TRIP4: variants seen among roughly 807,000 people sequenced by gnomAD.
The protein encoded by TRIP4 is activating signal cointegrator 1.
In TRIP4, 54 loss-of-function variants were observed where a neutral mutation model predicts 81.8. That is an observed-to-expected ratio of 0.66 (90% confidence interval 0.53 to 0.83). TRIP4 has a LOEUF of 0.83. Among genes scored for constraint, TRIP4 ranks in the 40% least tolerant of loss-of-function variants. The probability of loss-of-function intolerance (pLI) is 0.00; values close to 1 mark genes in which losing one functional copy is unlikely to be tolerated. For synonymous variants in TRIP4, 270 were observed against 242.8 expected (o/e 1.11, Z -1.04); for missense variants, 662 against 683.6 (o/e 0.97, Z 0.35).
intron 11 of TRIP4, among the ~76,000 whole-genome samples, chr15:64,436,708 CTT>C (rs35087782): frequency 0.013 from 1,089 of 85,448 alleles, 12 homozygotes; most frequent in African/African-American, 0.036. Flanking sequence ...TCTATTACTG[CTT>C]TTTTTTTTTT....
intron 9 of TRIP4, among the ~76,000 whole-genome samples, chr15:64,421,480 C>T (rs1038302637): frequency 3.3e-5 from 5 of 151,206 alleles, no homozygotes; most frequent in Non-Finnish European, 7.4e-5. Flanking sequence ...GGATTACAGA[C>T]ATGCACCACC....
At chr15:64,434,954 G>A (rs758550258) in intron 11 of TRIP4, among the ~76,000 whole-genome samples, 3 of 151,878 alleles carry the variant, frequency 2.0e-5, no homozygotes, top group African/African-American at 4.8e-5. Flanking sequence ...GGTGGCTCAC[G>A]CCTGTAATCC....
chr15:64,396,293 T>G (rs1596335981), intron 3 of TRIP4, among the ~76,000 whole-genome samples: 1 of 57,740 alleles, frequency 1.7e-5, no homozygotes, highest in Admixed American at 2.3e-4. Flanking sequence ...TTTTTTTTTT[T>G]TGAGACGGAG....
chr15:64,387,927 A>G lies in TRIP4; in HGVS notation c.64A>G (p.Lys22Glu), dbSNP rs528003059. 1.7e-5 allele frequency: 27 copies of G among 1,551,226 alleles called. No individual in the cohort carries two copies. The highest frequency in any genetic ancestry group is 6.0e-5 in the South Asian group (5 of 84,012). Residue 22 changes from lysine to glutamate, a missense_variant, in exon 1 of 13, where the codon AAG becomes GAG. Transcript: ENST00000261884. ...LVHWCTQQLRKTFGLDVSEEI... is the reference protein window; with the variant it reads ...LVHWCTQQLRETFGLDVSEEI... ...GCACTGGTGCACCCAGCAGTTGCGG[A>G]AGACTTTCGGCCTGGATGTCAGCGA...
intron 3 of TRIP4, 74 bp from the exon 4 acceptor site, chr15:64,397,532 C>A: frequency 1.4e-6 from 2 of 1,449,502 alleles, no homozygotes; most frequent in Non-Finnish European, 9.5e-7. Context: ...CTGAACAGAA[C>A]GGAGCATTTT....
At chr15:64,421,953 G>C (rs1039582824) in intron 9 of TRIP4, among the ~76,000 whole-genome samples, 1 of 151,452 alleles carries the variant, frequency 6.6e-6, no homozygotes, top group Non-Finnish European at 1.5e-5. Flanking sequence ...GCTGAGGCAG[G>C]ATAATTGCTT....
In TRIP4 at chr15:64,400,752, C is replaced by G; in HGVS notation, c.628C>G (p.His210Asp). Residue 210 changes from histidine (H) to aspartate (D), a missense_variant, in exon 5 of 13, where the codon CAT becomes GAT. Physicochemically the swap from His to Asp is moderately conservative, Grantham distance 81 (BLOSUM62 -1). Transcript: ENST00000261884. ...CLFCGTLVCT[H>D]EEQDILQRDS... ...TCTTACTATTTTACAGGTGTGTACT[C>G]ATGAGGAACAAGATATTTTACAGCG... 4 of 1,613,816 alleles carry G rather than the reference C, an allele frequency of 2.5e-6. No homozygotes were observed. Among genetic ancestry groups the G allele is most frequent in the Non-Finnish European group, 3.4e-6 (4 of 1,179,790 alleles).
intron 12 of TRIP4, among the ~76,000 whole-genome samples, chr15:64,451,985 G>C (rs1892776334): frequency 6.9e-6 from 1 of 144,548 alleles, no homozygotes; most frequent in South Asian, 2.2e-4. Context: ...TTTTAGACAG[G>C]TCTCACTCTG....
intron 11 of TRIP4, among the ~76,000 whole-genome samples, chr15:64,439,071 ATT>A (rs1442554338): frequency 6.6e-6 from 1 of 152,206 alleles, no homozygotes; most frequent in Non-Finnish European, 1.5e-5. Context: ...TATGATCTTT[ATT>A]CAACCCTAGT....
chr15:64,451,953 CA>C (rs35984161), intron 12 of TRIP4, among the ~76,000 whole-genome samples: 130,029 of 137,530 alleles, frequency 0.95, 61,614 homozygotes, highest in East Asian at 0.99. Context: ...GTGCCCGGCC[CA>C]AAAAAAAAAA....
chr15:64,426,090 A>G (rs1320831036), intron 11 of TRIP4, among the ~76,000 whole-genome samples: 1 of 152,060 alleles, frequency 6.6e-6, no homozygotes, highest in African/African-American at 2.4e-5. Flanking sequence ...CTGGGGGAAA[A>G]AAAAAAGCTA....
At chr15:64,400,009 C>T (rs1014290538) in intron 4 of TRIP4, among the ~76,000 whole-genome samples, 3 of 150,334 alleles carry the variant, frequency 2.0e-5, no homozygotes, top group African/African-American at 7.3e-5. Context: ...GAAAAAATAA[C>T]GTACTCTCAA....
At chr15:64,432,720 G>A (rs886608930) in intron 11 of TRIP4, among the ~76,000 whole-genome samples, 21 of 151,680 alleles carry the variant, frequency 1.4e-4, no homozygotes, top group African/African-American at 5.1e-4. Context: ...GACTATCCTG[G>A]CTAACATGGT....
intron 1 of TRIP4, 98 bp downstream of exon 1, chr15:64,388,062 T>C (rs1044488863): frequency 7.0e-7 from 1 of 1,435,198 alleles, no homozygotes; most frequent in African/African-American, 1.4e-5. Flanking sequence ...AAGAGAGAAA[T>C]GTGATAAAGG....
intron 4 of TRIP4, among the ~76,000 whole-genome samples, chr15:64,400,269 C>T (rs961221848): frequency 9.9e-5 from 15 of 151,082 alleles, no homozygotes; most frequent in African/African-American, 3.4e-4. Flanking sequence ...ATGGCAAAAC[C>T]CCATATCTAC....
chr15:64,429,113 G>A (rs1215066492), intron 11 of TRIP4, among the ~76,000 whole-genome samples: 4 of 150,606 alleles, frequency 2.7e-5, no homozygotes, highest in South Asian at 4.3e-4. Flanking sequence ...CTAGGAGTTC[G>A]AGACCAGCCT....
chr15:64,406,744 T>G (rs1891631233), intron 6 of TRIP4, among the ~76,000 whole-genome samples: 1 of 152,218 alleles, frequency 6.6e-6, no homozygotes, highest in Admixed American at 6.5e-5. Context: ...ACCACTTGTT[T>G]TACTTGTAGC....
rs371331371 is a variant in TRIP4 at position 64,406,469 on chromosome 15, G to C, written c.827+10G>C. 18 of 1,610,368 alleles carry C rather than the reference G, an allele frequency of 1.1e-5. No individual in the cohort carries two copies. The highest frequency in any genetic ancestry group is 1.1e-4 in the African/African-American group (8 of 74,790). On this transcript the variant is annotated intron_variant, in intron 6 of 12. Coordinates refer to ENST00000261884, the MANE Select transcript of TRIP4 (RefSeq NM_016213.5). ...AGTTTGACAGAACTAGGTATGAAAG[G>C]GTTAGAATAACAAATGCTAAGAAAT...
chr15:64,429,131 A>G (rs1892214501), intron 11 of TRIP4, among the ~76,000 whole-genome samples: 1 of 150,486 alleles, frequency 6.6e-6, no homozygotes, highest in South Asian at 2.2e-4. Context: ...CCTGGCCAAC[A>G]TGGTGAAACC....
Sources: gnomAD v4.1 joint callset for allele counts (sites outside exome capture counted in the v4.1 genomes callset) on GRCh38, gnomAD v4.1.1 for gene constraint, MANE v1.5 for transcripts, NCBI Gene and HGNC (gene_info 2026-07-23, HGNC 2026-07-21) for gene names.